The following TNKS variants were observed in gnomAD, a reference collection of about 807,000 sequenced individuals.
TNKS encodes the protein poly [ADP-ribose] polymerase tankyrase-1.
In TNKS, 72 loss-of-function variants were observed where a neutral mutation model predicts 135.8. The ratio of observed to expected loss-of-function variants is 0.53; its 90% CI spans 0.44 to 0.64. The LOEUF (loss-of-function observed/expected upper bound fraction) is 0.64, where lower values mean the gene tolerates loss of function less well. Ranked by LOEUF, TNKS falls within the 30% of genes least tolerant of loss-of-function variation. The probability of loss-of-function intolerance (pLI) is 0.00; values close to 1 mark genes in which losing one functional copy is unlikely to be tolerated. For missense variants in TNKS, 1,769 were observed against 1,674.0 expected, an observed-to-expected ratio of 1.06 and a Z score of -0.99; for synonymous variants, 849 against 649.3, an observed-to-expected ratio of 1.31 and a Z score of -4.68.
At chr8:9,714,424 C>G (rs928819781) in intron 11 of TNKS, among the ~76,000 whole-genome samples, 1 of 151,882 alleles carries the variant, frequency 6.6e-6, no homozygotes, top group Non-Finnish European at 1.5e-5. Context: ...TGAATATGAG[C>G]CTTTTTTCCC....
intron 26 of TNKS, among the ~76,000 whole-genome samples, chr8:9,774,066 T>G (rs1808093333): frequency 6.6e-6 from 1 of 152,160 alleles, no homozygotes; most frequent in Non-Finnish European, 1.5e-5. Context: ...ATTGAAAAGA[T>G]ATATTGAAGG....
intron 3 of TNKS, among the ~76,000 whole-genome samples, chr8:9,659,544 A>G (rs913274694): frequency 6.6e-6 from 1 of 152,230 alleles, no homozygotes; most frequent in Non-Finnish European, 1.5e-5. Context: ...CAACGAGAAC[A>G]AAGACACAAC....
chr8:9,740,614 T>C (rs1805892738), intron 17 of TNKS, among the ~76,000 whole-genome samples: 1 of 152,178 alleles, frequency 6.6e-6, no homozygotes, highest in Admixed American at 6.5e-5. Context: ...TCATATTTAA[T>C]GAGTGTTAGT....
At chr8:9,744,507 CT>C (rs533696425) in intron 17 of TNKS, among the ~76,000 whole-genome samples, 2 of 152,154 alleles carry the variant, frequency 1.3e-5, no homozygotes, top group South Asian at 4.1e-4. Context: ...AAATTAAAAG[CT>C]TCCCAGTCTT....
intron 11 of TNKS, among the ~76,000 whole-genome samples, chr8:9,716,822 A>G (rs1199937798): frequency 6.6e-6 from 1 of 151,456 alleles, no homozygotes; most frequent in African/African-American, 2.4e-5. Flanking sequence ...TATGGCCTAA[A>G]TGTGGTCTTT....
chr8:9,581,611 C>G (rs1425705222), intron 2 of TNKS, among the ~76,000 whole-genome samples: 1 of 152,146 alleles, frequency 6.6e-6, no homozygotes, highest in Non-Finnish European at 1.5e-5. Context: ...GTCTTCTAGG[C>G]TTTCATCTTC....
intron 26 of TNKS, among the ~76,000 whole-genome samples, chr8:9,774,359 T>G (rs1322468846): frequency 6.6e-6 from 1 of 152,228 alleles, no homozygotes; most frequent in Non-Finnish European, 1.5e-5. Context: ...TGACGGTCCC[T>G]TCCTCACCTC....
chr8:9,713,773 G>A (rs920644959), intron 11 of TNKS, among the ~76,000 whole-genome samples: 1 of 152,134 alleles, frequency 6.6e-6, no homozygotes, highest in Non-Finnish European at 1.5e-5. Context: ...CTCATGGTTG[G>A]TGTATCTGGT....
At chr8:9,617,972 A>G (rs1342404458) in intron 3 of TNKS, among the ~76,000 whole-genome samples, 2 of 143,724 alleles carry the variant, frequency 1.4e-5, no homozygotes, top group East Asian at 2.1e-4. Flanking sequence ...TAAAGTGACA[A>G]TCTCTTTTTT....
intron 9 of TNKS, among the ~76,000 whole-genome samples, chr8:9,709,155 G>A (rs964707521): frequency 2.0e-5 from 3 of 152,028 alleles, no homozygotes; most frequent in East Asian, 1.9e-4. Context: ...ATATTCTTAC[G>A]TATATTTGAC....
chr8:9,585,144 TA>T (rs548916397), intron 2 of TNKS, among the ~76,000 whole-genome samples: 5 of 143,418 alleles, frequency 3.5e-5, no homozygotes, highest in Admixed American at 1.4e-4. Context: ...AAAACCGAAA[TA>T]AAAAAAAAAT....
At chr8:9,746,986 G>A (rs2128825872) in intron 17 of TNKS, among the ~76,000 whole-genome samples, 1 of 146,896 alleles carries the variant, frequency 6.8e-6, no homozygotes, top group Non-Finnish European at 1.5e-5. Context: ...GGGTTCAAGT[G>A]ATTCTCTTGC....
At chr8:9,727,524 C>G (rs1805223357) in intron 13 of TNKS, among the ~76,000 whole-genome samples, 1 of 152,298 alleles carries the variant, frequency 6.6e-6, no homozygotes, top group Admixed American at 6.5e-5. Context: ...TTGCCTTACC[C>G]TGCCTACTAT....
At chr8:9,558,789 T>C (rs1325327097) in intron 1 of TNKS, 1 of 152,192 alleles carries the variant, frequency 6.6e-6, no homozygotes, top group Non-Finnish European at 1.5e-5. Flanking sequence ...TTTAGCTCAG[T>C]TGTGGAAAAC....
At chr8:9,583,061 G>A (rs1032480266) in intron 2 of TNKS, among the ~76,000 whole-genome samples, 22 of 151,582 alleles carry the variant, frequency 1.5e-4, no homozygotes, top group African/African-American at 5.1e-4. Context: ...CAGCTACTTA[G>A]GAGGCTGAGG....
chr8:9,680,929 A>C (rs1802755627), intron 5 of TNKS, 129 bp downstream of exon 5: 1 of 623,354 alleles, frequency 1.6e-6, no homozygotes, highest in African/African-American at 1.8e-5. Flanking sequence ...CTGTAAATGA[A>C]ATGCTACTAT....
chr8:9,755,256 C>T (rs1014778863), intron 20 of TNKS, among the ~76,000 whole-genome samples: 1 of 152,144 alleles, frequency 6.6e-6, no homozygotes, highest in South Asian at 2.1e-4. Context: ...GTTTAGTCTC[C>T]TAGTCACTCC....
intron 17 of TNKS, among the ~76,000 whole-genome samples, chr8:9,745,094 C>G (rs941637860): frequency 5.3e-5 from 8 of 152,112 alleles, no homozygotes; most frequent in Non-Finnish European, 1.0e-4. Flanking sequence ...CTTGTAACCT[C>G]ACTGGGGAGA....
intron 2 of TNKS, among the ~76,000 whole-genome samples, chr8:9,588,508 C>A (rs1798473826): frequency 6.6e-6 from 1 of 152,182 alleles, no homozygotes; most frequent in Non-Finnish European, 1.5e-5. Context: ...TATCTCCTGA[C>A]CTCGTGATCC....
Sources: allele counts gnomAD v4.1 joint callset (sites outside exome capture counted in the v4.1 genomes callset), GRCh38; gene constraint gnomAD v4.1.1; transcripts MANE v1.5; gene names NCBI Gene and HGNC (gene_info 2026-07-23, HGNC 2026-07-21).